Variants in BTRC observed in about 807,000 individuals in gnomAD.
BTRC encodes the protein F-box/WD repeat-containing protein 1A.
In BTRC, 42 loss-of-function variants were observed where a neutral mutation model predicts 85.5. That is an observed-to-expected ratio of 0.49 (90% CI 0.38 to 0.64). The LOEUF (loss-of-function observed/expected upper bound fraction) is 0.64, where lower values mean the gene tolerates loss of function less well. Ranked by LOEUF, BTRC falls within the 30% of genes least tolerant of loss-of-function variation. The pLI is 0.00. For missense variants in BTRC, 594 were observed against 743.5 expected (o/e 0.80, Z 2.34); for synonymous variants, 255 against 263.3 (o/e 0.97, Z 0.30).
chr10:101,393,990 C>CT (rs1167393120), intron 1 of BTRC, among the ~76,000 whole-genome samples: 1 of 152,214 alleles, frequency 6.6e-6, no homozygotes, highest in Non-Finnish European at 1.5e-5. Context: ...CCCTCTAAAA[C>CT]TGAGTGTATA....
intron 4 of BTRC, among the ~76,000 whole-genome samples, chr10:101,518,074 G>A (rs893707418): frequency 2.0e-5 from 3 of 151,374 alleles, no homozygotes; most frequent in Admixed American, 6.6e-5. Context: ...CACTACGCCC[G>A]GCTAATTTTT....
At chr10:101,527,629 C>T (rs1381640813) in intron 6 of BTRC, among the ~76,000 whole-genome samples, 1 of 152,140 alleles carries the variant, frequency 6.6e-6, no homozygotes, top group Admixed American at 6.6e-5. Context: ...TGGCGCATGC[C>T]TGTAATCCCA....
chr10:101,405,509 C>G (rs1399559392), intron 1 of BTRC, among the ~76,000 whole-genome samples: 1 of 152,210 alleles, frequency 6.6e-6, no homozygotes, highest in East Asian at 1.9e-4. Flanking sequence ...TCCTGGAGCT[C>G]TCTTTACTGA....
At chr10:101,507,238 C>T (rs1946565846) in intron 4 of BTRC, among the ~76,000 whole-genome samples, 1 of 152,120 alleles carries the variant, frequency 6.6e-6, no homozygotes, top group Non-Finnish European at 1.5e-5. Context: ...ATATAAGTAA[C>T]ACGCAACCAG....
intron 1 of BTRC, among the ~76,000 whole-genome samples, chr10:101,357,895 C>T (rs901603477): frequency 1.3e-5 from 2 of 152,176 alleles, no homozygotes; most frequent in Non-Finnish European, 2.9e-5. Context: ...CATTAACTTA[C>T]GTGCTAATGT....
chr10:101,369,323 A>G lies in BTRC; in HGVS notation c.48+15095A>G, dbSNP rs376097667. Among the ~76,000 whole-genome samples, 9 of 151,766 alleles carry G rather than the reference A, an allele frequency of 5.9e-5. No individual in the cohort carries two copies. The South Asian group carries it at 8.3e-4, about 14-fold the overall frequency. The stretch of plus-strand genomic sequence containing the variant: ...CAGCCTCCAACTCCTGGGCTCAAAC[A>G]TCCTCCCACCTGGGCCTCCCAAAGT... On this transcript the variant is annotated intron_variant, in intron 1 of 14. Coordinates refer to ENST00000370187, the MANE Select transcript of BTRC (RefSeq NM_033637.4).
intron 4 of BTRC, among the ~76,000 whole-genome samples, chr10:101,481,560 G>GTGTTT (rs1945834521): frequency 8.5e-6 from 1 of 117,820 alleles, no homozygotes. Flanking sequence ...ATGATGTGGA[G>GTGTTT]TTTTTTTTTT....
intron 1 of BTRC, among the ~76,000 whole-genome samples, chr10:101,366,904 A>T (rs1348001090): frequency 2.5e-5 from 1 of 40,366 alleles, no homozygotes; most frequent in South Asian, 9.7e-4. Flanking sequence ...ATATTTATAT[A>T]TATTAATATA....
chr10:101,373,684 G>A (rs762534249), intron 1 of BTRC, among the ~76,000 whole-genome samples: 3 of 152,156 alleles, frequency 2.0e-5, no homozygotes, highest in Admixed American at 6.5e-5. Flanking sequence ...TTGGGAGGCC[G>A]AGGTGGGCGG....
intron 1 of BTRC, among the ~76,000 whole-genome samples, chr10:101,372,671 C>G (rs1942673755): frequency 6.7e-6 from 1 of 150,320 alleles, no homozygotes; most frequent in South Asian, 2.1e-4. Flanking sequence ...TGGAGAACAG[C>G]CTGACCAACA....
At chr10:101,413,656 G>C (rs1270714798) in intron 1 of BTRC, among the ~76,000 whole-genome samples, 1 of 151,960 alleles carries the variant, frequency 6.6e-6, no homozygotes, top group Non-Finnish European at 1.5e-5. Flanking sequence ...ATGTCCCAGA[G>C]GAAATCTTTA....
intron 13 of BTRC, among the ~76,000 whole-genome samples, chr10:101,549,631 G>A (rs868146645): frequency 3.9e-4 from 58 of 147,220 alleles, no homozygotes; most frequent in African/African-American, 1.4e-3. Context: ...GGAGAACGGC[G>A]TGAACCCGGG....
chr10:101,498,332 T>C (rs959835231), intron 4 of BTRC, among the ~76,000 whole-genome samples: 1 of 151,932 alleles, frequency 6.6e-6, no homozygotes, highest in Admixed American at 6.5e-5. Context: ...TTTTGTATTT[T>C]TAGTAGAGAT....
At chr10:101,508,293 G>C (rs1013900516) in intron 4 of BTRC, among the ~76,000 whole-genome samples, 2 of 152,152 alleles carry the variant, frequency 1.3e-5, no homozygotes, top group Admixed American at 1.3e-4. Flanking sequence ...TGGAATGACT[G>C]CAAGCTTTTT....
chr10:101,532,914 C>T, intron 8 of BTRC, 38 bp from the exon 9 acceptor site: 1 of 1,492,802 alleles, frequency 6.7e-7, no homozygotes, highest in African/African-American at 1.4e-5. Context: ...AGCACCCCAT[C>T]ATCACATTGA....
intron 4 of BTRC, among the ~76,000 whole-genome samples, chr10:101,512,657 G>A (rs777401476): frequency 6.6e-6 from 1 of 152,130 alleles, no homozygotes; most frequent in Non-Finnish European, 1.5e-5. Context: ...TTCCCTCCTG[G>A]CCCAGGCTGC....
intron 1 of BTRC, among the ~76,000 whole-genome samples, chr10:101,370,279 G>A (rs542894011): frequency 7.9e-5 from 12 of 151,830 alleles, no homozygotes; most frequent in Admixed American, 3.9e-4. Flanking sequence ...TTGCCACCAC[G>A]CCTGGCTAAT....
At chr10:101,522,976 T>G (rs556626870) in intron 5 of BTRC, among the ~76,000 whole-genome samples, 83 of 152,248 alleles carry the variant, frequency 5.5e-4, no homozygotes, top group African/African-American at 1.8e-3. Context: ...GAGGCCGAAG[T>G]GGATGGATCA....
At chr10:101,479,590 A>G (rs1319236664) in intron 4 of BTRC, 133 bp downstream of exon 4, 6 of 596,022 alleles carry the variant, frequency 1.0e-5, no homozygotes, top group Middle Eastern at 4.2e-4. Flanking sequence ...AACAGGCATC[A>G]TTTTATCTAG....
Sources: gnomAD v4.1 joint callset for allele counts (sites outside exome capture counted in the v4.1 genomes callset) on GRCh38, gnomAD v4.1.1 for gene constraint, MANE v1.5 for transcripts, NCBI Gene and HGNC (gene_info 2026-07-23, HGNC 2026-07-21) for gene names.